The following GRID2IP variants were observed in gnomAD, a reference collection of about 807,000 sequenced individuals.
GRID2IP encodes Grid2 interacting protein, also known as delphilin.
Under a neutral mutation model 114.3 loss-of-function variants are expected in GRID2IP, and 78 were observed. The ratio of observed to expected loss-of-function variants is 0.68; its 90% CI spans 0.57 to 0.82. The LOEUF (loss-of-function observed/expected upper bound fraction) is 0.82, where lower values mean the gene tolerates loss of function less well. Among genes scored for constraint, GRID2IP ranks in the 40% least tolerant of loss-of-function variants. The probability of loss-of-function intolerance (pLI) is 0.00; values close to 1 mark genes in which losing one functional copy is unlikely to be tolerated. For synonymous variants in GRID2IP, 809 were observed against 724.0 expected (o/e 1.12, Z -1.89); for missense variants, 1,727 against 1,678.5 (o/e 1.03, Z -0.51).
At chr7:6,549,560 G>T (rs1157552097) in intron 1 of GRID2IP, among the ~76,000 whole-genome samples, 1 of 152,222 alleles carries the variant, frequency 6.6e-6, no homozygotes, top group East Asian at 1.9e-4. Context: ...GCAAGGGCAG[G>T]TCTAATCCTG....
Position 6,511,045 on chromosome 7 carries a change from G to A in GRID2IP, c.1424-6C>T, listed in dbSNP as rs1222925833. On this transcript the variant is annotated splice_region_variant and splice_polypyrimidine_tract_variant and intron_variant, in intron 8 of 21. Transcript: ENST00000457091. ...CAGCTCAGGCTCCGGCTCTGCTGTGGGACATGCAGGGAACATGGGGCCCTC... is the reference window on the plus strand; with the variant it reads ...CAGCTCAGGCTCCGGCTCTGCTGTGAGACATGCAGGGAACATGGGGCCCTC... The A allele has an allele frequency of 7.1e-7, 1 of 1,417,752 alleles. No individual in the cohort carries two copies. Among genetic ancestry groups the A allele is most frequent in the Non-Finnish European group, 9.2e-7 (1 of 1,081,962 alleles). The allele number at this position is 1,417,752 out of a possible 1,614,324, so 87.8% of individuals were successfully genotyped here.
chr7:6,550,923 C>T (rs1244548489), intron 1 of GRID2IP, 85 bp downstream of exon 1: 3 of 1,189,210 alleles, frequency 2.5e-6, no homozygotes, highest in Non-Finnish European at 3.1e-6. Flanking sequence ...TACCTCTGGC[C>T]CTGGGAGAGC....
At position 6,536,797 on chromosome 7, in the gene GRID2IP, G is replaced by T. The variant is rs1021799598; in HGVS notation, c.584+2921C>A. The T allele has an allele frequency of 2.1e-5, 15 of 702,060 alleles. No individual in the cohort carries two copies. The highest frequency in any genetic ancestry group is 3.9e-5 in the Non-Finnish European group (15 of 384,518). 43.5% of individuals were successfully genotyped at this position (702,060 alleles called of 1,614,324 possible). A position where few individuals can be genotyped will look rare whatever the true frequency, so the allele number is the denominator to read the frequency against. ...CTTTTTTCCTTTTTTCCCCTCTTCTGATTCTCCTAGCAAGGGGCTCACCCC... is the reference window on the plus strand; with the variant it reads ...CTTTTTTCCTTTTTTCCCCTCTTCTTATTCTCCTAGCAAGGGGCTCACCCC... On this transcript the variant is annotated intron_variant, in intron 2 of 21. Transcript: ENST00000457091. This position sits in a 1 kb window ranked among gnomAD's most constrained non-coding sequence, Gnocchi z 5.3.
At position 6,520,755 on chromosome 7, in the gene GRID2IP, T is replaced by C. The variant is rs923880229; in HGVS notation, c.1091A>G (p.Asp364Gly). Residue 364 changes from aspartate (D) to glycine (G), a missense_variant, in exon 7 of 22, where the codon GAT becomes GGT. Physicochemically the swap from Asp to Gly is moderately conservative, Grantham distance 94 (BLOSUM62 -1). Transcript: ENST00000457091. This position sits in a 1 kb window ranked among gnomAD's most constrained non-coding sequence, Gnocchi z 4.6. The stretch of plus-strand genomic sequence containing the variant: ...CGACGGGTTGGGTGAGTCCAGAGAA[T>C]CGGAGTCTGCTGGGACCACAGGCGG... Reference protein sequence around the residue: ...EGLVPFASDSDSLDSPNPSSA... With the variant: ...EGLVPFASDSGSLDSPNPSSA... 2.1e-5 allele frequency: 33 copies of C among 1,550,248 alleles called. No individual in the cohort carries two copies. The highest frequency in any genetic ancestry group is 2.4e-5 in the Non-Finnish European group (27 of 1,146,070).
At chr7:6,530,628 A>G (rs1386458859) in intron 2 of GRID2IP, among the ~76,000 whole-genome samples, 1 of 151,262 alleles carries the variant, frequency 6.6e-6, no homozygotes, top group Non-Finnish European at 1.5e-5. Context: ...AAATGGTGGC[A>G]AGGGGACAAG....
rs145773537 is a variant in GRID2IP at position 6,550,222 on chromosome 7, G to A, written c.429+786C>T. ...TGCCCAGGCTGGCCTTGAACTCAGG[G>A]TCTCAAGTGATCCTCCCACCTTGGT... On this transcript the variant is annotated intron_variant, in intron 1 of 21. Coordinates refer to ENST00000457091, the MANE Select transcript of GRID2IP (RefSeq NM_001145118.2). Among the ~76,000 whole-genome samples, 640 of 151,994 alleles carry A rather than the reference G, an allele frequency of 4.2e-3. 2 individuals carry two copies. The highest frequency in any genetic ancestry group is 0.015 in the African/African-American group (615 of 41,438).
rs1444737565 is a variant in GRID2IP at position 6,536,854 on chromosome 7, T to C, written c.584+2864A>G. 1.8e-6 allele frequency: 1 copy of C among 553,722 alleles called. No individual in the cohort carries two copies. Among genetic ancestry groups the C allele is most frequent in the South Asian group, 1.5e-5 (1 of 65,718 alleles). 34.3% of individuals were successfully genotyped at this position (553,722 alleles called of 1,614,324 possible). A position where few individuals can be genotyped will look rare whatever the true frequency, so the allele number is the denominator to read the frequency against. On this transcript the variant is annotated intron_variant, in intron 2 of 21. Transcript: ENST00000457091. This position sits in a 1 kb window ranked among gnomAD's most constrained non-coding sequence, Gnocchi z 5.3. ...ACCCCAGGCAGCTCATGGTGGCCTC[T>C]TTCGGTGGTGGTCGCCTATGCTCCG...
At position 6,526,830 on chromosome 7, in the gene GRID2IP, G is replaced by A. The variant is rs575244723; in HGVS notation, c.585-61C>T. On this transcript the variant is annotated intron_variant, in intron 2 of 21. Transcript: ENST00000457091. The surrounding 1 kb of genome is among the most constrained non-coding windows in gnomAD (Gnocchi z 7.6). ...CGGACCCCGGATCTCTGCAAACCGC[G>A]GCCCGAAGGCGCGTCCTCGCGGGCG... is the stretch of plus-strand genomic sequence containing the variant. The A allele has an allele frequency of 1.4e-6, 2 of 1,408,482 alleles. No individual in the cohort carries two copies. The highest frequency in any genetic ancestry group is 1.4e-5 in the South Asian group (1 of 71,182). The allele number at this position is 1,408,482 out of a possible 1,614,324, so 87.2% of individuals were successfully genotyped here. A position where few individuals can be genotyped will look rare whatever the true frequency, so the allele number is the denominator to read the frequency against.
chr7:6,546,704 C>T (rs1562526644), intron 1 of GRID2IP, among the ~76,000 whole-genome samples: 1 of 152,110 alleles, frequency 6.6e-6, no homozygotes, highest in Non-Finnish European at 1.5e-5. Flanking sequence ...TCCTCCACTT[C>T]CCCGTTCCTC....
Position 6,536,587 on chromosome 7 carries a change from A to T in GRID2IP, c.584+3131T>A, listed in dbSNP as rs1198363001. On this transcript the variant is annotated intron_variant, in intron 2 of 21. Transcript: ENST00000457091. The surrounding 1 kb of genome is among the most constrained non-coding windows in gnomAD (Gnocchi z 5.3). The stretch of plus-strand genomic sequence containing the variant: ...GGAGAACCGAGAGGGCCTCCAGCCG[A>T]GCCCGGCTGCCAGCAGCCGGGAGAC... 6.6e-6 allele frequency among the ~76,000 whole-genome samples: 1 copy of T among 151,434 alleles called. No homozygotes were observed. Among genetic ancestry groups the T allele is most frequent in the Non-Finnish European group, 1.5e-5 (1 of 67,860 alleles).
intron 2 of GRID2IP, among the ~76,000 whole-genome samples, chr7:6,535,615 C>T (rs1779711786): frequency 6.6e-6 from 1 of 152,202 alleles, no homozygotes; most frequent in African/African-American, 2.4e-5. Flanking sequence ...CCTGTAATCC[C>T]AGCACTTTGG....
chr7:6,503,551 G>T lies in GRID2IP; in HGVS notation c.2847C>A (p.Arg949=). 6.5e-7 allele frequency: 1 copy of T among 1,529,018 alleles called. No homozygotes were observed. 94.7% of individuals were successfully genotyped at this position (1,529,018 alleles called of 1,614,324 possible). ...CGGGCGCCTCGCGGAAGGCCTGGTAGCGCTGCTCCTCGTCGGCGTCGGGCG... is the reference window on the plus strand; with the variant it reads ...CGGGCGCCTCGCGGAAGGCCTGGTATCGCTGCTCCTCGTCGGCGTCGGGCG... ...LFAPDADEEQ[R]YQAFREAPGR... The change falls in exon 16 of 22, where the codon CGC becomes CGA. Residue 949 remains arginine (R), a synonymous_variant. Coordinates refer to ENST00000457091, the MANE Select transcript of GRID2IP (RefSeq NM_001145118.2).
In GRID2IP at chr7:6,534,259, C is replaced by T. The variant is rs1779686545; in HGVS notation, c.584+5459G>A. 6.6e-6 allele frequency among the ~76,000 whole-genome samples: 1 copy of T among 152,116 alleles called. No homozygotes were observed. The highest frequency in any genetic ancestry group is 2.1e-4 in the South Asian group (1 of 4,828). ...ATCCCAGCTTCTACCATGACCTGCC[C>T]CTGACCTGACACCCCGTTCCCCCCA... On this transcript the variant is annotated intron_variant, in intron 2 of 21. Transcript: ENST00000457091. This position sits in a 1 kb window ranked among gnomAD's most constrained non-coding sequence, Gnocchi z 4.5.
Position 6,536,451 on chromosome 7 carries a change from G to T in GRID2IP, c.584+3267C>A, listed in dbSNP as rs2115093330. 6.6e-6 allele frequency among the ~76,000 whole-genome samples: 1 copy of T among 152,382 alleles called. No homozygotes were observed. The highest frequency in any genetic ancestry group is 2.1e-4 in the South Asian group (1 of 4,834). Reference sequence around the variant, plus strand: ...GCCCGACCCGCTGCCGCAGCTGCCGGCGGCTTGGGGACCAGCGGCGGCTGG... The same window carrying T: ...GCCCGACCCGCTGCCGCAGCTGCCGTCGGCTTGGGGACCAGCGGCGGCTGG... On this transcript the variant is annotated intron_variant, in intron 2 of 21. Transcript: ENST00000457091. The surrounding 1 kb of genome is among the most constrained non-coding windows in gnomAD (Gnocchi z 5.3).
chr7:6,506,333 C>T lies in GRID2IP; in HGVS notation c.2545-426G>A, dbSNP rs916164738. On this transcript the variant is annotated intron_variant, in intron 13 of 21. Coordinates refer to ENST00000457091, the MANE Select transcript of GRID2IP (RefSeq NM_001145118.2). This position sits in a 1 kb window ranked among gnomAD's most constrained non-coding sequence, Gnocchi z 5.2. ...GGTGCTGAGAGAACTGCAACTGTGA[C>T]AGCCTAGGGGCCAGACGCTGGACAC... Among the ~76,000 whole-genome samples, 1 of 152,162 alleles carries T rather than the reference C, an allele frequency of 6.6e-6. No individual in the cohort carries two copies. The highest frequency in any genetic ancestry group is 2.1e-4 in the South Asian group (1 of 4,832).
chr7:6,515,698 G>T (rs186023938), intron 7 of GRID2IP, among the ~76,000 whole-genome samples: 36 of 145,798 alleles, frequency 2.5e-4, no homozygotes, highest in South Asian at 6.7e-4. Context: ...GAATCGCCTC[G>T]CCTGAGCTCG....
In GRID2IP at chr7:6,503,068, T is replaced by C; in HGVS notation, c.3003A>G (p.Glu1001=). ...EKTEEIRGSL[E]CLRQASLELK... ...GCTCCAGGGAGGCCTGGCGCAAGCATTCAAGGCTGCCTCGGATCTCCTCTG... is the reference window on the plus strand; with the variant it reads ...GCTCCAGGGAGGCCTGGCGCAAGCACTCAAGGCTGCCTCGGATCTCCTCTG... Residue 1001 remains glutamate, a synonymous_variant, in exon 17 of 22, where the codon GAA becomes GAG. Coordinates refer to ENST00000457091, the MANE Select transcript of GRID2IP (RefSeq NM_001145118.2). The C allele has an allele frequency of 3.2e-6, 5 of 1,551,526 alleles. No homozygotes were observed. The highest frequency in any genetic ancestry group is 4.4e-6 in the Non-Finnish European group (5 of 1,146,930).
rs1169435068 is a variant in GRID2IP at position 6,510,682 on chromosome 7, G to C, written c.1580C>G (p.Pro527Arg). The change falls in exon 10 of 22, where the codon CCT becomes CGT. Residue 527 changes from proline to arginine, a missense_variant. Physicochemically the swap from Pro to Arg is moderately radical, Grantham distance 103. Transcript: ENST00000457091. ...SCGPSECPEM[P>R]LPLIPGERQA... ...GCGCTCGCCTGGGATCAGGGGAAGA[G>C]GCATCTCAGGGCACTCGCTGGGACC... is the stretch of plus-strand genomic sequence containing the variant. 6 of 1,546,960 alleles carry C rather than the reference G, an allele frequency of 3.9e-6. No individual in the cohort carries two copies. In the Admixed American group the frequency reaches 8.1e-5, roughly 21 times the overall value.
chr7:6,520,287 T>G lies in GRID2IP; in HGVS notation c.1268+291A>C, dbSNP rs1234538153. Among the ~76,000 whole-genome samples, 1 of 141,876 alleles carries G rather than the reference T, an allele frequency of 7.0e-6. No individual in the cohort carries two copies. The highest frequency in any genetic ancestry group is 1.5e-5 in the Non-Finnish European group (1 of 67,456). 93.1% of individuals were successfully genotyped at this position (141,876 alleles called of 152,430 possible). On this transcript the variant is annotated intron_variant, in intron 7 of 21. Coordinates refer to ENST00000457091, the MANE Select transcript of GRID2IP (RefSeq NM_001145118.2). The surrounding 1 kb of genome is among the most constrained non-coding windows in gnomAD (Gnocchi z 4.6). Reference sequence around the variant, plus strand: ...AGCTGGGTGATAGAGCGAGACTCCATCTCAAAAAAAAAAAATAGAATGTTG... The same window carrying G: ...AGCTGGGTGATAGAGCGAGACTCCAGCTCAAAAAAAAAAAATAGAATGTTG...
Sources: allele counts gnomAD v4.1 joint callset (sites outside exome capture counted in the v4.1 genomes callset), GRCh38; gene constraint gnomAD v4.1.1; non-coding constraint Gnocchi (gnomAD v3.1); transcripts MANE v1.5; gene names NCBI Gene and HGNC (gene_info 2026-07-23, HGNC 2026-07-21).